Variants in MYOF observed in about 807,000 individuals in gnomAD.
The protein encoded by MYOF is myoferlin, also known as fer-1-like 3, myoferlin.
A neutral mutation model predicts 284.2 loss-of-function variants in MYOF; 244 were observed. The observed-to-expected ratio is 0.86, with a 90% CI of 0.77 to 0.95. MYOF has a LOEUF of 0.95. MYOF is among the 40% of genes least tolerant of loss of function. MYOF has a pLI of 0.00. For missense variants in MYOF, 2,496 were observed against 2,560.6 expected, an observed-to-expected ratio of 0.97 and a Z score of 0.54; for synonymous variants, 904 against 919.7, an observed-to-expected ratio of 0.98 and a Z score of 0.31.
At chr10:93,415,257 C>A (rs1332647878) in intron 5 of MYOF, among the ~76,000 whole-genome samples, 1 of 152,164 alleles carries the variant, frequency 6.6e-6, no homozygotes, top group Non-Finnish European at 1.5e-5. Context: ...ACTGTGCTTA[C>A]CTGGTTTATT....
Position 93,374,762 on chromosome 10 carries a change from C to T in MYOF, c.2301+1G>A. On this transcript the variant is annotated splice_donor_variant, in intron 23 of 53. Coordinates refer to ENST00000359263, the MANE Select transcript of MYOF (RefSeq NM_013451.4). LOFTEE classifies it high-confidence loss of function. ...ACGTTTGTGTAGTTTAAAAGTCCTA[C>T]CTCTTCAGTCAGCTGCATTAATTTA... is the stretch of plus-strand genomic sequence containing the variant. 6.2e-7 allele frequency: 1 copy of T among 1,613,190 alleles called. No homozygotes were observed. The highest frequency in any genetic ancestry group is 1.7e-5 in the Admixed American group (1 of 59,832).
Position 93,356,965 on chromosome 10 carries a change from C to T in MYOF, c.3121-117G>A, listed in dbSNP as rs895261940. The T allele has an allele frequency of 1.4e-5, 15 of 1,067,830 alleles. No homozygotes were observed. In the African/African-American group the frequency reaches 2.2e-4, roughly 16 times the overall value. 66.1% of individuals were successfully genotyped at this position (1,067,830 alleles called of 1,614,324 possible). ...CACAGTATTCAAAATCTACTCTGTGCCAAGTACTGAGCTAGAGTCAGGAAT... is the reference window on the plus strand; with the variant it reads ...CACAGTATTCAAAATCTACTCTGTGTCAAGTACTGAGCTAGAGTCAGGAAT... On this transcript the variant is annotated intron_variant, in intron 29 of 53. Coordinates refer to ENST00000359263, the MANE Select transcript of MYOF (RefSeq NM_013451.4).
chr10:93,306,787 G>T lies in MYOF; in HGVS notation c.*176C>A. The T allele has an allele frequency of 1.5e-6, 1 of 652,086 alleles. No individual in the cohort carries two copies. The highest frequency in any genetic ancestry group is 2.8e-5 in the East Asian group (1 of 35,258). 40.4% of individuals were successfully genotyped at this position (652,086 alleles called of 1,614,324 possible). ...TAAGAGATAACATGATGCAAACGTT[G>T]CTTGTTGGCCTGACTTTCCAGGACT... On this transcript the variant is annotated 3_prime_UTR_variant, in exon 54 of 54. Transcript: ENST00000359263.
At chr10:93,409,813 A>G in intron 5 of MYOF, 74 bp from the exon 6 acceptor site, 1 of 1,561,942 alleles carries the variant, frequency 6.4e-7, no homozygotes, top group Non-Finnish European at 8.7e-7. Flanking sequence ...GGTTTCCAGG[A>G]CACGGTTTTG....
chr10:93,325,899 C>T lies in MYOF; in HGVS notation c.5198G>A (p.Arg1733Lys). The T allele has an allele frequency of 6.2e-7, 1 of 1,614,002 alleles. No homozygotes were observed. The highest frequency in any genetic ancestry group is 1.3e-5 in the African/African-American group (1 of 74,976). Reference protein sequence around the residue: ...PEERLALHILRTQGLVPEHVE... With the variant: ...PEERLALHILKTQGLVPEHVE... ...GTGCTCAGGGACCAGCCCCTGAGTCCTGAGGATGTGAAGAGCAAGCCGCTC... is the reference window on the plus strand; with the variant it reads ...GTGCTCAGGGACCAGCCCCTGAGTCTTGAGGATGTGAAGAGCAAGCCGCTC... The change falls in exon 46 of 54, where the codon AGG (arginine) becomes AAG (lysine). Residue 1733 changes from arginine to lysine, a missense_variant. Arg to Lys is a conservative substitution (Grantham distance 26). This residue lies in a region of MYOF where 2,436 missense variants were observed against 2,480.7 expected (regional missense o/e 0.98). Transcript: ENST00000359263.
intron 4 of MYOF, among the ~76,000 whole-genome samples, chr10:93,428,486 G>A (rs1484387399): frequency 4.0e-5 from 6 of 151,470 alleles, no homozygotes; most frequent in Admixed American, 1.3e-4. Flanking sequence ...GATTATAGGC[G>A]TGAGCCACCT....
At chr10:93,479,217 T>G (rs1001611408) in intron 1 of MYOF, among the ~76,000 whole-genome samples, 2 of 151,806 alleles carry the variant, frequency 1.3e-5, no homozygotes, top group African/African-American at 4.8e-5. Flanking sequence ...CTCTGCTCAC[T>G]GGAACCTCCG....
rs1375426982 is a variant in MYOF, at chr10:93,433,195, T to C, written c.237-1679A>G. ...ATTTTGAGATGGAGTTTCGTTCTTA[T>C]TGACCAGCCTGGAGTGCAACGGCGT... On this transcript the variant is annotated intron_variant, in intron 3 of 53. Transcript: ENST00000359263. 1.3e-4 allele frequency among the ~76,000 whole-genome samples: 20 copies of C among 152,240 alleles called. 1 individual carries two copies.
intron 24 of MYOF, 81 bp downstream of exon 24, chr10:93,372,849 C>T: frequency 6.6e-7 from 1 of 1,511,698 alleles, no homozygotes; most frequent in Non-Finnish European, 9.1e-7. Flanking sequence ...CAATGATTTG[C>T]AAATGATATA....
intron 41 of MYOF, among the ~76,000 whole-genome samples, chr10:93,335,317 C>A (rs1405530476): frequency 2.6e-5 from 4 of 151,898 alleles, no homozygotes; most frequent in African/African-American, 4.8e-5. Context: ...GGGAGGGAGG[C>A]AGGGGACCAT....
rs201619869 is a variant in MYOF at position 93,333,263 on chromosome 10, C to T, written c.4769G>A (p.Arg1590Gln). 5.1e-5 allele frequency: 83 copies of T among 1,614,060 alleles called. No individual in the cohort carries two copies. Among genetic ancestry groups the T allele is most frequent in the East Asian group, 6.7e-5 (3 of 44,902 alleles). ...GAGAGTGTTGGGAATGTAGTGATCTCGGTCTTCAATGACTTTTTTGCCCAG... is the reference window on the plus strand; with the variant it reads ...GAGAGTGTTGGGAATGTAGTGATCTTGGTCTTCAATGACTTTTTTGCCCAG... ...ITLGKKVIED[R>Q]DHYIPNTLNP... Residue 1590 changes from arginine to glutamine, a missense_variant, in exon 43 of 54, where the codon CGA (arginine) becomes CAA (glutamine). Arg to Gln is a conservative substitution (Grantham distance 43). Coordinates refer to ENST00000359263, the MANE Select transcript of MYOF (RefSeq NM_013451.4).
chr10:93,322,123 C>T (rs540731981), intron 48 of MYOF, among the ~76,000 whole-genome samples: 15 of 152,178 alleles, frequency 9.9e-5, no homozygotes, highest in Non-Finnish European at 1.8e-4. Flanking sequence ...CTTGATGAAA[C>T]ATTCCCTGTT....
At chr10:93,422,547 A>G (rs747306814) in intron 5 of MYOF, among the ~76,000 whole-genome samples, 1 of 152,238 alleles carries the variant, frequency 6.6e-6, no homozygotes, top group Non-Finnish European at 1.5e-5. Context: ...CTGTAATCCC[A>G]GCACTTTGGG....
chr10:93,405,253 A>G (rs890802951), intron 7 of MYOF, among the ~76,000 whole-genome samples: 20 of 152,202 alleles, frequency 1.3e-4, no homozygotes, highest in African/African-American at 4.8e-4. Context: ...TATCATAACC[A>G]AGAAATTTAA....
intron 1 of MYOF, among the ~76,000 whole-genome samples, chr10:93,472,707 C>T (rs576452932): frequency 7.5e-4 from 115 of 152,320 alleles, no homozygotes; most frequent in African/African-American, 2.2e-3. Flanking sequence ...GTAAATCTTA[C>T]GTTATATGTG....
At chr10:93,354,666 A>ACTCTCTCTCACTCTCTCT (rs1554844077) in intron 31 of MYOF, among the ~76,000 whole-genome samples, 13 of 119,236 alleles carry the variant, frequency 1.1e-4, no homozygotes, top group Non-Finnish European at 1.8e-4. Flanking sequence ...TCACACATTC[A>ACTCTCTCTCACTCTCTCT]CTCTCTCTCT....
At chr10:93,463,842 G>A (rs1473731131) in intron 1 of MYOF, among the ~76,000 whole-genome samples, 7 of 139,924 alleles carry the variant, frequency 5.0e-5, no homozygotes, top group Non-Finnish European at 9.1e-5. Flanking sequence ...TTCATCCTGG[G>A]TGTTAGAGCA....
At chr10:93,418,340 A>G (rs1848218404) in intron 5 of MYOF, among the ~76,000 whole-genome samples, 1 of 152,242 alleles carries the variant, frequency 6.6e-6, no homozygotes, top group South Asian at 2.1e-4. Flanking sequence ...GGAATGTAGA[A>G]TAATTTTTTT....
chr10:93,436,523 G>A (rs767892486), intron 3 of MYOF, among the ~76,000 whole-genome samples: 9 of 152,004 alleles, frequency 5.9e-5, no homozygotes, highest in Non-Finnish European at 8.8e-5. Context: ...TTTAGATGAC[G>A]GCCTGCAAAG....
Sources: allele counts gnomAD v4.1 joint callset (sites outside exome capture counted in the v4.1 genomes callset), GRCh38; gene constraint gnomAD v4.1.1; regional missense constraint gnomAD v4.1.1; transcripts MANE v1.5; gene names NCBI Gene and HGNC (gene_info 2026-07-23, HGNC 2026-07-21).